The following TRPC4 variants were observed in gnomAD, a reference collection of about 807,000 sequenced individuals.
The protein encoded by TRPC4 is transient receptor potential cation channel subfamily C member 4, also known as short transient receptor potential channel 4.
TRPC4 carries 49 observed loss-of-function variants against 99.4 expected under a neutral mutation model. The ratio of observed to expected loss-of-function variants is 0.49; its 90% CI spans 0.39 to 0.63. TRPC4 has a LOEUF of 0.63. Ranked by LOEUF, TRPC4 falls within the 20% of genes least tolerant of loss-of-function variation. TRPC4 has a pLI of 0.00. For missense variants in TRPC4, 898 were observed against 1,152.9 expected, an observed-to-expected ratio of 0.78 and a Z score of 3.20; for synonymous variants, 454 against 425.9, an observed-to-expected ratio of 1.07 and a Z score of -0.81.
chr13:37,719,908 G>A (rs911453867), intron 3 of TRPC4, among the ~76,000 whole-genome samples: 8 of 146,872 alleles, frequency 5.4e-5, no homozygotes, highest in African/African-American at 1.4e-4. Context: ...ACATTATTCT[G>A]TTTTAGAAAT....
intron 3 of TRPC4, among the ~76,000 whole-genome samples, chr13:37,743,987 T>C (rs1955668020): frequency 6.6e-6 from 1 of 152,156 alleles, no homozygotes; most frequent in Non-Finnish European, 1.5e-5. Flanking sequence ...CAGAGAGACC[T>C]AAAGAGCAAC....
At chr13:37,742,032 T>TTCAA (rs1273194715) in intron 3 of TRPC4, among the ~76,000 whole-genome samples, 1 of 152,052 alleles carries the variant, frequency 6.6e-6, no homozygotes, top group Non-Finnish European at 1.5e-5. Flanking sequence ...GTTGCTAAAA[T>TTCAA]ACATTCATTT....
At chr13:37,777,934 T>C (rs1956751462) in intron 2 of TRPC4, among the ~76,000 whole-genome samples, 1 of 152,012 alleles carries the variant, frequency 6.6e-6, no homozygotes, top group South Asian at 2.1e-4. Flanking sequence ...TCTGTGCTCT[T>C]TCCCAGCACT....
intron 1 of TRPC4, among the ~76,000 whole-genome samples, chr13:37,788,496 T>TA (rs1957027071): frequency 6.6e-6 from 1 of 152,106 alleles, no homozygotes; most frequent in Non-Finnish European, 1.5e-5. Flanking sequence ...TTTCAAGTCT[T>TA]ACGAGTTTTC....
At chr13:37,753,906 T>C (rs1281065989) in intron 2 of TRPC4, among the ~76,000 whole-genome samples, 1 of 152,068 alleles carries the variant, frequency 6.6e-6, no homozygotes, top group African/African-American at 2.4e-5. Context: ...TAAGGGTTGA[T>C]AAAGAGGCTT....
rs1951423678 is a variant in TRPC4 at position 37,632,803 on chromosome 13, A to C, written c.*4100T>G. On this transcript the variant is annotated 3_prime_UTR_variant, in exon 11 of 11. Coordinates refer to ENST00000379705, the MANE Select transcript of TRPC4 (RefSeq NM_016179.4). ...AACAGTAAGAAACCAGCTTTTTAAAAATTCTCTTAACACAACTTTGTAGAA... is the reference window on the plus strand; with the variant it reads ...AACAGTAAGAAACCAGCTTTTTAAACATTCTCTTAACACAACTTTGTAGAA... 6.6e-6 allele frequency among the ~76,000 whole-genome samples: 1 copy of C among 152,206 alleles called. No homozygotes were observed. The highest frequency in any genetic ancestry group is 6.6e-5 in the Admixed American group (1 of 15,258).
chr13:37,759,043 A>C lies in TRPC4; in HGVS notation c.379-12588T>G, dbSNP rs1472907154. Among the ~76,000 whole-genome samples, 19 of 151,710 alleles carry C rather than the reference A, an allele frequency of 1.3e-4. 1 individual carries two copies. The highest frequency in any genetic ancestry group is 7.9e-4 in the Admixed American group (12 of 15,180). On this transcript the variant is annotated intron_variant, in intron 2 of 10. Coordinates refer to ENST00000379705, the MANE Select transcript of TRPC4 (RefSeq NM_016179.4). ...AGGAATATATATCCAAGAATGGCTAAAAAATTATAAAATTGAGACTATAAT... is the reference window on the plus strand; with the variant it reads ...AGGAATATATATCCAAGAATGGCTACAAAATTATAAAATTGAGACTATAAT...
intron 1 of TRPC4, among the ~76,000 whole-genome samples, chr13:37,841,210 C>T (rs1363801742): frequency 6.6e-6 from 1 of 151,958 alleles, no homozygotes; most frequent in Non-Finnish European, 1.5e-5. Flanking sequence ...ATCTGTATAT[C>T]AACAGAAATA....
At chr13:37,713,100 A>G (rs1305639346) in intron 3 of TRPC4, among the ~76,000 whole-genome samples, 1 of 152,190 alleles carries the variant, frequency 6.6e-6, no homozygotes, top group Non-Finnish European at 1.5e-5. Flanking sequence ...GAATCTGACG[A>G]CCATGGAAGC....
intron 6 of TRPC4, among the ~76,000 whole-genome samples, chr13:37,662,873 C>A (rs1291691760): frequency 2.0e-5 from 3 of 152,308 alleles, no homozygotes; most frequent in Middle Eastern, 6.8e-3. Flanking sequence ...GCTCATCCAG[C>A]CATAAGGGCA....
At position 37,655,165 on chromosome 13, in the gene TRPC4, T is replaced by A. The variant is rs1229580163; in HGVS notation, c.1807A>T (p.Thr603Ser). ...ACAACCAGAGAGATGACATTGTATG[T>A]CCCAAACATGGTGGCACCAACAAAC... ...TEFVGATMFG[T>S]YNVISLVVLL... The change falls in exon 7 of 11, where the codon ACA becomes TCA. Residue 603 changes from threonine (T) to serine (S), a missense_variant. Coordinates refer to ENST00000379705, the MANE Select transcript of TRPC4 (RefSeq NM_016179.4). 1 of 1,608,006 alleles carries A rather than the reference T, an allele frequency of 6.2e-7. No homozygotes were observed. The highest frequency in any genetic ancestry group is 1.7e-5 in the Admixed American group (1 of 59,400).
chr13:37,851,897 C>A (rs562645342), intron 1 of TRPC4, among the ~76,000 whole-genome samples: 1 of 152,160 alleles, frequency 6.6e-6, no homozygotes, highest in African/African-American at 2.4e-5. Flanking sequence ...GGAGAGTAAG[C>A]CTTGCTGGAC....
intron 8 of TRPC4, among the ~76,000 whole-genome samples, chr13:37,646,189 G>A (rs1280588982): frequency 6.6e-6 from 1 of 152,180 alleles, no homozygotes; most frequent in African/African-American, 2.4e-5. Flanking sequence ...AGCTAGTCAG[G>A]CTTGAATATT....
chr13:37,737,850 C>T (rs1955447603), intron 3 of TRPC4, among the ~76,000 whole-genome samples: 1 of 152,218 alleles, frequency 6.6e-6, no homozygotes. Context: ...AAAACATTTT[C>T]CCCACAGTTC....
chr13:37,649,591 G>A (rs1035114902), intron 8 of TRPC4, among the ~76,000 whole-genome samples: 3 of 151,802 alleles, frequency 2.0e-5, no homozygotes, highest in East Asian at 1.9e-4. Context: ...AAAATTAGCC[G>A]AGAGTGGTGG....
chr13:37,826,398 G>A (rs1397653768), intron 1 of TRPC4, among the ~76,000 whole-genome samples: 1 of 126,968 alleles, frequency 7.9e-6, no homozygotes, highest in Non-Finnish European at 1.6e-5. Flanking sequence ...GCATGATTTT[G>A]CAGCGGCTGG....
At chr13:37,705,815 C>G (rs1166530831) in intron 3 of TRPC4, among the ~76,000 whole-genome samples, 1 of 152,084 alleles carries the variant, frequency 6.6e-6, no homozygotes, top group Non-Finnish European at 1.5e-5. Flanking sequence ...TTCCCTTAGC[C>G]CTGCACGGTT....
intron 1 of TRPC4, among the ~76,000 whole-genome samples, chr13:37,841,730 T>C (rs1164260632): frequency 6.6e-6 from 1 of 152,098 alleles, no homozygotes; most frequent in East Asian, 1.9e-4. Context: ...TAAGATATAG[T>C]AATGACACTA....
At chr13:37,800,903 C>T (rs767639719) in intron 1 of TRPC4, among the ~76,000 whole-genome samples, 2 of 151,650 alleles carry the variant, frequency 1.3e-5, no homozygotes, top group African/African-American at 2.4e-5. Context: ...TTAATGGTTT[C>T]GGTTTTTAAG....
Sources: gnomAD v4.1 joint callset for allele counts (sites outside exome capture counted in the v4.1 genomes callset) on GRCh38, gnomAD v4.1.1 for gene constraint, MANE v1.5 for transcripts, NCBI Gene and HGNC (gene_info 2026-07-23, HGNC 2026-07-21) for gene names.